Variants in PPP6R2 observed in about 807,000 individuals in gnomAD.
PPP6R2 encodes the protein serine/threonine-protein phosphatase 6 regulatory subunit 2.
Under a neutral mutation model 100.2 loss-of-function variants are expected in PPP6R2, and 62 were observed. That is an observed-to-expected ratio of 0.62 (90% CI 0.50 to 0.76). PPP6R2 has a LOEUF of 0.76. Ranked by LOEUF, PPP6R2 falls within the 30% of genes least tolerant of loss-of-function variation. The probability of loss-of-function intolerance (pLI) is 0.00; values close to 1 mark genes in which losing one functional copy is unlikely to be tolerated. For missense variants in PPP6R2, 1,142 were observed against 1,276.3 expected (o/e 0.89, Z 1.60); for synonymous variants, 525 against 514.7 (o/e 1.02, Z -0.27).
At chr22:50,375,660 C>T (rs2051338663) in intron 2 of PPP6R2, among the ~76,000 whole-genome samples, 1 of 151,946 alleles carries the variant, frequency 6.6e-6, no homozygotes, top group African/African-American at 2.4e-5. Context: ...AGAATTGTAG[C>T]TCTGTATTGG....
chr22:50,414,951 C>T (rs900713843), intron 5 of PPP6R2, among the ~76,000 whole-genome samples: 1 of 152,318 alleles, frequency 6.6e-6, no homozygotes, highest in East Asian at 1.9e-4. Flanking sequence ...GTGAAGAGGC[C>T]GAAATGGACT....
the PPP6R2 span, among the ~76,000 whole-genome samples, chr22:50,331,299 C>G: frequency 2.2e-4 from 33 of 151,802 alleles, no homozygotes; most frequent in African/African-American, 8.0e-4. Context: ...ACACACGTTT[C>G]CATTTTTTTG....
intron 1 of PPP6R2, among the ~76,000 whole-genome samples, chr22:50,361,713 C>T (rs962134408): frequency 6.6e-6 from 1 of 152,058 alleles, no homozygotes; most frequent in Non-Finnish European, 1.5e-5. Flanking sequence ...TGCTCGTCTG[C>T]CTTTGACTCT....
upstream of PPP6R2, among the ~76,000 whole-genome samples, chr22:50,342,894 G>C (rs1357650191): frequency 1.3e-5 from 2 of 152,126 alleles, no homozygotes; most frequent in East Asian, 3.9e-4. Flanking sequence ...CCTGCTGCTC[G>C]GGGCGTCCAC....
chr22:50,423,429 G>A lies in PPP6R2; in HGVS notation c.973-33G>A. 6.2e-7 allele frequency: 1 copy of A among 1,613,366 alleles called. No individual in the cohort carries two copies. The highest frequency in any genetic ancestry group is 8.5e-7 in the Non-Finnish European group (1 of 1,179,430). On this transcript the variant is annotated intron_variant, in intron 9 of 23. Transcript: ENST00000612753. This position sits in a 1 kb window ranked among gnomAD's most constrained non-coding sequence, Gnocchi z 4.8. ...CCAGCAGTGGCCTCACTGCTCACAG[G>A]GCCTAACTGGGTGGTGCCTTCTGTG... is the stretch of plus-strand genomic sequence containing the variant.
At chr22:50,383,504 G>A (rs906742862) in intron 2 of PPP6R2, among the ~76,000 whole-genome samples, 5 of 152,128 alleles carry the variant, frequency 3.3e-5, no homozygotes, top group Admixed American at 2.6e-4. Context: ...TTTGGTAGGC[G>A]GTGGCCAGGA....
intron 1 of PPP6R2, among the ~76,000 whole-genome samples, chr22:50,346,145 C>G (rs2043590718): frequency 8.0e-5 from 2 of 25,150 alleles, no homozygotes. Flanking sequence ...AGTCAGTTCC[C>G]CCTCCAGTCA....
chr22:50,376,855 G>A (rs1322484068), intron 2 of PPP6R2, among the ~76,000 whole-genome samples: 3 of 152,022 alleles, frequency 2.0e-5, no homozygotes, highest in Non-Finnish European at 4.4e-5. Context: ...GTGAAACCCC[G>A]TGTCTACTAA....
intron 3 of PPP6R2, among the ~76,000 whole-genome samples, chr22:50,401,877 G>A (rs1037846424): frequency 3.3e-5 from 5 of 151,822 alleles, no homozygotes; most frequent in Non-Finnish European, 7.4e-5. Context: ...CTAGTGATCC[G>A]CCCGCCTTGT....
the PPP6R2 span, among the ~76,000 whole-genome samples, chr22:50,333,172 T>G: frequency 6.6e-6 from 1 of 152,032 alleles, no homozygotes; most frequent in Non-Finnish European, 1.5e-5. Context: ...AGCACTTCTG[T>G]TAAAAAAATC....
At chr22:50,377,863 T>C (rs1330879717) in intron 2 of PPP6R2, among the ~76,000 whole-genome samples, 1 of 151,838 alleles carries the variant, frequency 6.6e-6, no homozygotes, top group Non-Finnish European at 1.5e-5. Context: ...AAAAAGTAGC[T>C]CAGCGTGGTG....
intron 3 of PPP6R2, among the ~76,000 whole-genome samples, chr22:50,401,308 G>A (rs1485326182): frequency 5.4e-5 from 8 of 148,682 alleles, no homozygotes; most frequent in South Asian, 2.2e-4. Context: ...CCGGGTTCAC[G>A]CCATTCTCCT....
chr22:50,391,407 T>TGG (rs1259553622), intron 2 of PPP6R2, among the ~76,000 whole-genome samples: 2 of 121,578 alleles, frequency 1.6e-5, no homozygotes, highest in Non-Finnish European at 3.1e-5. Context: ...CACTCCAGCC[T>TGG]GGGCTACAGA....
chr22:50,391,861 A>C (rs1249899663), intron 2 of PPP6R2: 1 of 149,648 alleles, frequency 6.7e-6, no homozygotes, highest in Non-Finnish European at 1.5e-5. Flanking sequence ...TTTGTAATCC[A>C]CCCAGGCTTC....
intron 1 of PPP6R2, 108 bp downstream of exon 1, chr22:50,343,658 TCAGTCAGTTCCCCCTC>T (rs2042697989): frequency 2.2e-5 from 2 of 90,554 alleles, no homozygotes; most frequent in Non-Finnish European, 2.0e-5. Flanking sequence ...TATCCCCCAG[TCAGTCAGTTCCCCCTC>T]CAGTCAGTTC....
chr22:50,442,409 G>T (rs1205947424), intron 22 of PPP6R2, among the ~76,000 whole-genome samples: 1 of 152,264 alleles, frequency 6.6e-6, no homozygotes, highest in Non-Finnish European at 1.5e-5. Flanking sequence ...CAGCAAGTGG[G>T]GGGCACAGCA....
In PPP6R2 at chr22:50,438,254, G is replaced by A. The variant is rs2064827617; in HGVS notation, c.1920G>A (p.Glu640=). ...ATGATGAGGACGAGGACATCTGGGA[G>A]GACAGTGACACTCGCTGTGCTGCCC... ...FDDDEDEDIW[E]DSDTRCAARV... Residue 640 remains glutamate, a synonymous_variant, in exon 18 of 24, where the codon GAG becomes GAA. Coordinates refer to ENST00000612753, the MANE Select transcript of PPP6R2 (RefSeq NM_001242898.2). 6.2e-7 allele frequency: 1 copy of A among 1,613,872 alleles called. No individual in the cohort carries two copies.
At chr22:50,336,974 CTCTTGTTGATAATAT>C in the PPP6R2 span, among the ~76,000 whole-genome samples, 4 of 152,244 alleles carry the variant, frequency 2.6e-5, no homozygotes, top group South Asian at 4.1e-4. Context: ...AATTAATCCC[CTCTTGTTGATAATAT>C]TTTTATATCA....
intron 15 of PPP6R2, 26 bp from the exon 16 acceptor site, chr22:50,437,480 T>TCCCCCCCCCCCC: frequency 2.7e-6 from 2 of 728,390 alleles, no homozygotes; most frequent in Non-Finnish European, 5.0e-6. Flanking sequence ...TGTCTGTCCG[T>TCCCCCCCCCCCC]CCCTCCCTCC....
Sources: allele counts gnomAD v4.1 joint callset (sites outside exome capture counted in the v4.1 genomes callset), GRCh38; gene constraint gnomAD v4.1.1; non-coding constraint Gnocchi (gnomAD v3.1); transcripts MANE v1.5; gene names NCBI Gene and HGNC (gene_info 2026-07-23, HGNC 2026-07-21).